TPPP: variants seen among roughly 807,000 people sequenced by gnomAD.
TPPP encodes the protein tubulin polymerization-promoting protein.
In TPPP, 6 loss-of-function variants were observed where a neutral mutation model predicts 15.5. The observed-to-expected ratio is 0.39, with a 90% CI of 0.21 to 0.77. The LOEUF is 0.77. TPPP is among the 30% of genes least tolerant of loss of function. TPPP has a pLI of 0.42. For missense variants in TPPP, 269 were observed against 307.2 expected (o/e 0.88, Z 0.93); for synonymous variants, 146 against 133.9 (o/e 1.09, Z -0.63).
chr5:683,909 G>A (rs529736138), intron 1 of TPPP, among the ~76,000 whole-genome samples: 46 of 152,342 alleles, frequency 3.0e-4, no homozygotes, highest in Non-Finnish European at 4.3e-4. Context: ...GTGTGCTGCC[G>A]CTGGGCTCTT....
chr5:671,640 AG>A (rs1263866806), intron 2 of TPPP, among the ~76,000 whole-genome samples: 1 of 152,218 alleles, frequency 6.6e-6, no homozygotes, highest in Non-Finnish European at 1.5e-5. Flanking sequence ...CAGGAGCCAC[AG>A]GCCTTGACTG....
In TPPP at chr5:677,859, C is replaced by A. The variant is rs142104899; in HGVS notation, c.202G>T (p.Gly68Trp). ...CAGTTCTTGCCGTGCATCTCCCTCC[C>A]GGTGGCCCTGGCGTCCCCGTGCACG... ...FAVHGDARATGREMHGKNWSK... is the reference protein window; with the variant it reads ...FAVHGDARATWREMHGKNWSK... Residue 68 changes from glycine to tryptophan, a missense_variant, in exon 2 of 4, where the codon GGG (glycine) becomes TGG (tryptophan). Gly to Trp is a radical substitution (Grantham distance 184). Transcript: ENST00000360578. 2 of 1,612,774 alleles carry A rather than the reference C, an allele frequency of 1.2e-6. No homozygotes were observed. Among genetic ancestry groups the A allele is most frequent in the Non-Finnish European group, 1.7e-6 (2 of 1,179,856 alleles).
chr5:696,863 T>A (rs1430006075), upstream of TPPP, among the ~76,000 whole-genome samples: 2 of 69,270 alleles, frequency 2.9e-5, no homozygotes, highest in Admixed American at 2.5e-4. Flanking sequence ...TTCAGCTGTG[T>A]GTGTGTCTAT....
chr5:686,971 G>T (rs1433895251), intron 1 of TPPP, among the ~76,000 whole-genome samples: 1 of 141,518 alleles, frequency 7.1e-6, no homozygotes, highest in Admixed American at 7.1e-5. Context: ...CAGGTGCCTT[G>T]ATCTTGGACT....
chr5:686,428 G>C (rs1354914434), intron 1 of TPPP, among the ~76,000 whole-genome samples: 1 of 151,978 alleles, frequency 6.6e-6, no homozygotes, highest in Non-Finnish European at 1.5e-5. Context: ...AGAACCAGGG[G>C]CTGGTCCCTC....
upstream of TPPP, among the ~76,000 whole-genome samples, chr5:693,921 C>T (rs1740968202): frequency 6.7e-6 from 1 of 149,174 alleles, no homozygotes; most frequent in African/African-American, 2.5e-5. Context: ...GACTGGGCTT[C>T]CAGGTGGGGG....
the TPPP span, among the ~76,000 whole-genome samples, chr5:700,439 G>A: frequency 2.8e-4 from 42 of 151,636 alleles, no homozygotes; most frequent in South Asian, 1.2e-3. Context: ...ACTCCAAAAG[G>A]TGGGAGGGTG....
At chr5:669,533 T>G (rs940503492) in intron 2 of TPPP, among the ~76,000 whole-genome samples, 8 of 152,086 alleles carry the variant, frequency 5.3e-5, no homozygotes, top group Non-Finnish European at 1.2e-4. Context: ...CTGTCTTCTA[T>G]TCCCACCCTG....
At chr5:691,564 CCCCCCAACCCCCATCAAAACAATAG>C (rs1740863945) in intron 1 of TPPP, among the ~76,000 whole-genome samples, 1 of 62,760 alleles carries the variant, frequency 1.6e-5, no homozygotes, top group African/African-American at 7.3e-5. Flanking sequence ...AAAACAGCAG[CCCCCCAACCCCCATCAAAACAATAG>C]CCCCCAACCC....
rs1215248509 is a variant in TPPP at position 662,602 on chromosome 5, A to ACTGTGGGGACTGGGCTGCC, written c.*2481_*2499dup. On this transcript the variant is annotated 3_prime_UTR_variant, in exon 4 of 4. Coordinates refer to ENST00000360578, the MANE Select transcript of TPPP (RefSeq NM_007030.3). ...GTTCGTTCTGCGTGGCTTGGCCGTG[A>ACTGTGGGGACTGGGCTGCC]CTGTGGGGACTGGGCTGCCCACGGA... 2 of 152,546 alleles carry ACTGTGGGGACTGGGCTGCC rather than the reference A, an allele frequency of 1.3e-5. No homozygotes were observed. Among genetic ancestry groups the ACTGTGGGGACTGGGCTGCC allele is most frequent in the African/African-American group, 4.8e-5 (2 of 41,464 alleles). The allele number at this position is 152,546 out of a possible 1,614,324, so 9.4% of individuals were successfully genotyped here. A position where few individuals can be genotyped will look rare whatever the true frequency, so the allele number is the denominator to read the frequency against.
intron 1 of TPPP, among the ~76,000 whole-genome samples, chr5:679,558 T>C (rs1019491866): frequency 1.3e-5 from 2 of 152,066 alleles, no homozygotes; most frequent in African/African-American, 2.4e-5. Context: ...GTGTTTCCCC[T>C]GGGCCTCTGC....
At chr5:678,201 G>A (rs1370620598) in intron 1 of TPPP, 137 bp from the exon 2 acceptor site, 1 of 823,268 alleles carries the variant, frequency 1.2e-6, no homozygotes, top group African/African-American at 1.8e-5. Context: ...CCTGGGGCTG[G>A]GCGTGAGGCC....
intron 1 of TPPP, among the ~76,000 whole-genome samples, chr5:679,802 G>T (rs370643848): frequency 6.6e-6 from 1 of 151,274 alleles, no homozygotes; most frequent in Non-Finnish European, 1.5e-5. Flanking sequence ...CGTGGGGCCC[G>T]CCTGGGAGCA....
intron 2 of TPPP, chr5:666,969 C>T (rs1245827710): frequency 1.3e-5 from 2 of 152,234 alleles, no homozygotes; most frequent in Non-Finnish European, 2.9e-5. Context: ...CCAGGGAAGC[C>T]TCTGGACAGC....
At chr5:677,626 C>T (rs7713958) in intron 2 of TPPP, 124 bp downstream of exon 2, 64 of 869,430 alleles carry the variant, frequency 7.4e-5, no homozygotes, top group Middle Eastern at 2.4e-4. Context: ...CTGAGAAGGG[C>T]GGGGTCTTGA....
intron 2 of TPPP, among the ~76,000 whole-genome samples, chr5:674,015 T>C (rs899723865): frequency 3.3e-5 from 5 of 152,200 alleles, no homozygotes; most frequent in African/African-American, 1.2e-4. Flanking sequence ...GCAGAAGGAA[T>C]CACAGCCGGC....
At chr5:682,945 G>A (rs1219197515) in intron 1 of TPPP, among the ~76,000 whole-genome samples, 6 of 152,124 alleles carry the variant, frequency 3.9e-5, no homozygotes, top group Non-Finnish European at 8.8e-5. Context: ...CCCTCCCTGG[G>A]GCCTGAGACC....
chr5:684,757 A>G (rs1740721776), intron 1 of TPPP, among the ~76,000 whole-genome samples: 1 of 151,970 alleles, frequency 6.6e-6, no homozygotes, highest in Non-Finnish European at 1.5e-5. Context: ...CCTGTTTTTC[A>G]TTATCATCGC....
intron 1 of TPPP, among the ~76,000 whole-genome samples, chr5:688,638 T>TG (rs1740826259): frequency 6.7e-6 from 1 of 149,460 alleles, no homozygotes; most frequent in Admixed American, 6.7e-5. Context: ...GCAGGCGGCC[T>TG]GGGGACACGT....
Sources: allele counts gnomAD v4.1 joint callset (sites outside exome capture counted in the v4.1 genomes callset), GRCh38; gene constraint gnomAD v4.1.1; transcripts MANE v1.5; gene names NCBI Gene and HGNC (gene_info 2026-07-23, HGNC 2026-07-21).